Variants in LDHB observed in about 807,000 individuals in gnomAD.
LDHB encodes lactate dehydrogenase B.
LDHB carries 18 observed loss-of-function variants against 33.4 expected under a neutral mutation model. That is an observed-to-expected ratio of 0.54 (90% CI 0.37 to 0.80). The LOEUF (loss-of-function observed/expected upper bound fraction) is 0.80. Among genes scored for constraint, LDHB ranks in the 30% least tolerant of loss-of-function variants. LDHB has a pLI of 0.00. For synonymous variants in LDHB, 121 were observed against 140.6 expected, an observed-to-expected ratio of 0.86 and a Z score of 0.98; for missense variants, 345 against 407.9, an observed-to-expected ratio of 0.85 and a Z score of 1.33.
At chr12:21,647,055 T>C in intron 2 of LDHB, 39 bp from the exon 3 acceptor site, 1 of 1,204,238 alleles carries the variant, frequency 8.3e-7, no homozygotes. Context: ...CCTAAGCCAC[T>C]CTAGGATGCG....
Position 21,637,202 on chromosome 12 carries a change from A to C in LDHB, c.714-8T>G. 2 of 1,588,192 alleles carry C rather than the reference A, an allele frequency of 1.3e-6. No individual in the cohort carries two copies. The highest frequency in any genetic ancestry group is 1.7e-6 in the Non-Finnish European group (2 of 1,159,038). On this transcript the variant is annotated splice_region_variant and splice_polypyrimidine_tract_variant and intron_variant, in intron 6 of 7. Transcript: ENST00000350669. ...TTGATGACTTCATAGGCACTTAAAAAAATTATAAAAGACATCACTGAAATA... is the reference window on the plus strand; with the variant it reads ...TTGATGACTTCATAGGCACTTAAAACAATTATAAAAGACATCACTGAAATA...
intron 2 of LDHB, among the ~76,000 whole-genome samples, chr12:21,648,837 A>T (rs1339920048): frequency 6.6e-6 from 1 of 152,222 alleles, no homozygotes; most frequent in East Asian, 1.9e-4. Context: ...AAGCTTCCCG[A>T]TGACTGAATG....
At chr12:21,646,005 G>A (rs1171927858) in intron 3 of LDHB, among the ~76,000 whole-genome samples, 1 of 152,154 alleles carries the variant, frequency 6.6e-6, no homozygotes, top group Non-Finnish European at 1.5e-5. Flanking sequence ...TAATACAATA[G>A]CCCAAAATGT....
At chr12:21,644,620 G>A (rs1463703119) in intron 3 of LDHB, among the ~76,000 whole-genome samples, 2 of 152,122 alleles carry the variant, frequency 1.3e-5, no homozygotes, top group African/African-American at 4.8e-5. Flanking sequence ...CTGGAGATTT[G>A]ATTTTTTTCT....
rs762050728 is a variant in LDHB at position 21,635,709 on chromosome 12, C to T, written c.838G>A (p.Gly280Arg). 6.2e-7 allele frequency: 1 copy of T among 1,613,296 alleles called. No individual in the cohort carries two copies. The highest frequency in any genetic ancestry group is 2.2e-5 in the East Asian group (1 of 44,850). The change falls in exon 8 of 8, where the codon GGG (glycine) becomes AGG (arginine). Residue 280 changes from glycine (G) to arginine (R), a missense_variant and splice_region_variant. Physicochemically the swap from Gly to Arg is moderately radical, Grantham distance 125. Coordinates refer to ENST00000350669, the MANE Select transcript of LDHB (RefSeq NM_002300.8). The stretch of plus-strand genomic sequence containing the variant: ...ACTTCATTCTCAATGCCATACATCC[C>T]CTGCCAGAACAACAAAGCATCGAGA... ...RIHPVSTMVK[G>R]MYGIENEVFL... is the part of the protein sequence containing the mutation.
Position 21,643,758 on chromosome 12 carries a change from C to G in LDHB, c.421+177G>C, listed in dbSNP as rs547852257. The stretch of plus-strand genomic sequence containing the variant: ...AACTCTTGTCACATTTTTTGAACAT[C>G]TGGCCTGGGACAGAGGCATTTGTTT... On this transcript the variant is annotated intron_variant, in intron 4 of 7. Coordinates refer to ENST00000350669, the MANE Select transcript of LDHB (RefSeq NM_002300.8). 1.0e-5 allele frequency: 6 copies of G among 582,312 alleles called. No homozygotes were observed. The African/African-American group carries it at 1.1e-4, about 11-fold the overall frequency. 36.1% of individuals were successfully genotyped at this position (582,312 alleles called of 1,614,324 possible). A position where few individuals can be genotyped will look rare whatever the true frequency, so the allele number is the denominator to read the frequency against.
At chr12:21,639,834 G>A (rs188743763) in intron 5 of LDHB, among the ~76,000 whole-genome samples, 151 of 151,642 alleles carry the variant, frequency 1.0e-3, no homozygotes, top group South Asian at 6.7e-3. Context: ...AAATTCAGAT[G>A]AGTCCCTGGA....
chr12:21,635,772 A>G, intron 7 of LDHB, 63 bp from the exon 8 acceptor site: 2 of 1,472,408 alleles, frequency 1.4e-6, no homozygotes, highest in Non-Finnish European at 1.9e-6. Context: ...GATCAAAGAC[A>G]GGAGGCTGAG....
At position 21,653,014 on chromosome 12, in the gene LDHB, G is replaced by T. The variant is rs949172394; in HGVS notation, c.129+1529C>A. Among the ~76,000 whole-genome samples, 6 of 152,172 alleles carry T rather than the reference G, an allele frequency of 3.9e-5. No homozygotes were observed. The South Asian group carries it at 6.2e-4, about 16-fold the overall frequency. Reference sequence around the variant, plus strand: ...AAAGGGACAGTGTGTTCTCCTGAAGGCAAGGCAGCATTTTTGTTGTTGTTT... The same window carrying T: ...AAAGGGACAGTGTGTTCTCCTGAAGTCAAGGCAGCATTTTTGTTGTTGTTT... On this transcript the variant is annotated intron_variant, in intron 2 of 7. Coordinates refer to ENST00000350669, the MANE Select transcript of LDHB (RefSeq NM_002300.8).
intron 6 of LDHB, among the ~76,000 whole-genome samples, chr12:21,637,925 C>A (rs573596879): frequency 3.4e-4 from 51 of 151,582 alleles, no homozygotes; most frequent in African/African-American, 1.1e-3. Flanking sequence ...TAAAATTGAA[C>A]AAAATGATTC....
chr12:21,657,779 G>GT lies in LDHB; in HGVS notation c.-36dup, dbSNP rs1459700499. The GT allele has an allele frequency of 1.3e-5, 2 of 152,462 alleles. No homozygotes were observed. Among genetic ancestry groups the GT allele is most frequent in the South Asian group, 4.1e-4 (2 of 4,832 alleles). 9.4% of individuals were successfully genotyped at this position (152,462 alleles called of 1,614,324 possible). On this transcript the variant is annotated 5_prime_UTR_variant, in exon 1 of 8. Transcript: ENST00000350669. ...GAGAGAGAAGGCTCTGGAGACCTCT[G>GT]TAACAGTCGTGCGGAGAAGACAAAG...
At chr12:21,650,516 C>G (rs1938659149) in intron 2 of LDHB, among the ~76,000 whole-genome samples, 1 of 152,212 alleles carries the variant, frequency 6.6e-6, no homozygotes, top group African/African-American at 2.4e-5. Flanking sequence ...GATAAACACT[C>G]AAACCAAAGA....
intron 7 of LDHB, among the ~76,000 whole-genome samples, chr12:21,636,821 CAG>C (rs759903822): frequency 5.9e-5 from 9 of 152,100 alleles, no homozygotes; most frequent in East Asian, 1.9e-4. Context: ...TGCTAAGATT[CAG>C]AGTTAATATT....
intron 4 of LDHB, among the ~76,000 whole-genome samples, chr12:21,642,576 C>G (rs1474286808): frequency 6.6e-6 from 1 of 151,642 alleles, no homozygotes; most frequent in Admixed American, 6.6e-5. Context: ...TTTTTCTGGG[C>G]ATGAGGTATT....
At chr12:21,652,466 A>G (rs368842063) in intron 2 of LDHB, among the ~76,000 whole-genome samples, 1 of 152,208 alleles carries the variant, frequency 6.6e-6, no homozygotes, top group Admixed American at 6.5e-5. Context: ...CACATACTCA[A>G]TGTCTTTTTC....
intron 2 of LDHB, among the ~76,000 whole-genome samples, chr12:21,648,641 G>A (rs369425621): frequency 5.9e-5 from 9 of 152,148 alleles, no homozygotes; most frequent in African/African-American, 2.2e-4. Flanking sequence ...ACCAGACGGA[G>A]ATGCAGCAAA....
At chr12:21,640,501 T>A (rs745687103) in intron 5 of LDHB, among the ~76,000 whole-genome samples, 8 of 152,080 alleles carry the variant, frequency 5.3e-5, no homozygotes, top group Non-Finnish European at 8.8e-5. Context: ...ATTAATAGTT[T>A]ATTAAAAATA....
intron 7 of LDHB, among the ~76,000 whole-genome samples, chr12:21,636,605 G>A (rs1394974751): frequency 1.3e-5 from 2 of 151,968 alleles, no homozygotes; most frequent in African/African-American, 4.8e-5. Flanking sequence ...TGAGTCAGTT[G>A]TCTTACAAAA....
Position 21,637,892 on chromosome 12 carries a change from C to A in LDHB, c.713+461G>T, listed in dbSNP as rs537352071. Among the ~76,000 whole-genome samples the A allele has an allele frequency of 8.1e-4, 32 of 39,564 alleles. No homozygotes were observed. The East Asian group carries it at 0.029, about 36-fold the overall frequency. The allele number at this position is 39,564 out of a possible 152,430, so 26.0% of individuals were successfully genotyped here. On this transcript the variant is annotated intron_variant, in intron 6 of 7. Transcript: ENST00000350669. ...AGGTTCCTTTTCTCCACATATAGTT[C>A]AAATTCCTGAAAAAAAAATTACTAA...
Sources: gnomAD v4.1 joint callset for allele counts (sites outside exome capture counted in the v4.1 genomes callset) on GRCh38, gnomAD v4.1.1 for gene constraint, MANE v1.5 for transcripts, NCBI Gene and HGNC (gene_info 2026-07-23, HGNC 2026-07-21) for gene names.